The following POF1B variants were observed in gnomAD, a reference collection of about 807,000 sequenced individuals.
POF1B encodes the protein POF1B actin binding protein.
Under a neutral mutation model 55.3 loss-of-function variants are expected in POF1B, and 53 were observed. The ratio of observed to expected loss-of-function variants is 0.96; its 90% CI spans 0.77 to 1.20. The LOEUF (loss-of-function observed/expected upper bound fraction) is 1.20. POF1B is among the 50% of genes most tolerant of loss of function. The pLI is 0.00. For missense variants in POF1B, 478 were observed against 420.5 expected (o/e 1.14, Z -1.20); for synonymous variants, 188 against 148.3 (o/e 1.27, Z -1.95).
rs182979718 is a variant in POF1B at position 85,338,876 on chromosome X, G to A, written c.723+6984C>T. On this transcript the variant is annotated intron_variant, in intron 6 of 16. Transcript: ENST00000262753. ...AGAAAGTGAAAAGCGGATATGATTC[G>A]TTTGAGATGACTGTGGGACAGTCAA... 1.9e-4 allele frequency among the ~76,000 whole-genome samples: 21 copies of A among 111,543 alleles called. No individual in the cohort carries two copies. The East Asian group carries it at 4.3e-3, about 23-fold the overall frequency.
In POF1B at chrX:85,379,401, C is replaced by A; in HGVS notation, c.54G>T (p.Gln18His). The A allele has an allele frequency of 8.3e-7, 1 of 1,209,762 alleles. No individual in the cohort carries two copies. Among genetic ancestry groups the A allele is most frequent in the Admixed American group, 2.2e-5 (1 of 45,904 alleles). ...ETSSSSCGTQQLPEVLQCQPQ... is the reference protein window; with the variant it reads ...ETSSSSCGTQHLPEVLQCQPQ... ...GCTGGCACTGCAGCACCTCTGGGAGCTGCTGGGTTCCACAGCTGCTGCTGC... is the reference window on the plus strand; with the variant it reads ...GCTGGCACTGCAGCACCTCTGGGAGATGCTGGGTTCCACAGCTGCTGCTGC... Residue 18 changes from glutamine (Q) to histidine (H), a missense_variant, in exon 2 of 17, where the codon CAG (glutamine) becomes CAT (histidine). Coordinates refer to ENST00000262753, the MANE Select transcript of POF1B (RefSeq NM_024921.4).
chrX:85,355,784 G>T (rs1933482909), intron 4 of POF1B, among the ~76,000 whole-genome samples: 1 of 111,461 alleles, frequency 9.0e-6, no homozygotes, highest in African/African-American at 3.3e-5. Flanking sequence ...AGTTAGAATG[G>T]CAATCATTAA....
chrX:85,315,625 C>G, intron 8 of POF1B, 82 bp downstream of exon 8: 2 of 883,667 alleles, frequency 2.3e-6, no homozygotes, highest in Non-Finnish European at 3.0e-6. Context: ...AGGTACTTAA[C>G]TGAAAGAATA....
At chrX:85,311,529 C>A (rs1400555139) in intron 9 of POF1B, among the ~76,000 whole-genome samples, 6 of 111,546 alleles carry the variant, frequency 5.4e-5, no homozygotes, top group Non-Finnish European at 1.1e-4. Context: ...TGAACTCATC[C>A]TTTTTAATGG....
rs924894827 is a variant in POF1B at position 85,356,509 on chromosome X, C to T, written c.438+3041G>A. On this transcript the variant is annotated intron_variant, in intron 4 of 16. Transcript: ENST00000262753. ...TGTCTAGGCACTAACGATGTTGATT[C>T]TGTCTGGAATATTTTCGCCATATTA... 2.7e-5 allele frequency among the ~76,000 whole-genome samples: 3 copies of T among 109,507 alleles called. No homozygotes were observed. In the South Asian group the frequency reaches 1.2e-3, roughly 44 times the overall value.
At position 85,307,697 on chromosome X, in the gene POF1B, C is replaced by T. The variant is rs1015587593; in HGVS notation, c.1051-421G>A. On this transcript the variant is annotated intron_variant, in intron 10 of 16. Coordinates refer to ENST00000262753, the MANE Select transcript of POF1B (RefSeq NM_024921.4). ...CATTCTGAATGTATCTAGCTGATGG[C>T]ACCAAGAACACCAATTAAAATAGAA... is the stretch of plus-strand genomic sequence containing the variant. Among the ~76,000 whole-genome samples the T allele has an allele frequency of 1.1e-4, 12 of 111,308 alleles. 1 individual carries two copies. Among genetic ancestry groups the T allele is most frequent in the Non-Finnish European group, 1.9e-4 (10 of 53,012 alleles).
chrX:85,376,006 A>C (rs1001719676), intron 2 of POF1B, among the ~76,000 whole-genome samples: 5 of 111,831 alleles, frequency 4.5e-5, no homozygotes, highest in Non-Finnish European at 9.4e-5. Context: ...GGACACCTAC[A>C]GACCAGGCTC....
chrX:85,354,253 G>A (rs1401569158), intron 4 of POF1B, among the ~76,000 whole-genome samples: 2 of 110,577 alleles, frequency 1.8e-5, no homozygotes, highest in Non-Finnish European at 1.9e-5. Flanking sequence ...AATCCATACT[G>A]TGTTTTAAAT....
intron 5 of POF1B, among the ~76,000 whole-genome samples, chrX:85,350,739 C>A (rs1933366392): frequency 9.0e-6 from 1 of 111,053 alleles, no homozygotes; most frequent in African/African-American, 3.3e-5. Flanking sequence ...TGAAAAAATG[C>A]TCACCATCAC....
chrX:85,314,659 T>C (rs751843479), intron 8 of POF1B, among the ~76,000 whole-genome samples, 153 bp from the exon 9 acceptor site: 5 of 111,912 alleles, frequency 4.5e-5, no homozygotes, highest in African/African-American at 1.6e-4. Flanking sequence ...ATTTATAGCC[T>C]TATCAGTTCT....
intron 3 of POF1B, among the ~76,000 whole-genome samples, chrX:85,365,869 C>G (rs1373432900): frequency 9.0e-6 from 1 of 111,289 alleles, no homozygotes; most frequent in Non-Finnish European, 1.9e-5. Flanking sequence ...TCAGCAGTCA[C>G]TCAGTGCTAT....
chrX:85,281,039 C>T (rs754935839), intron 16 of POF1B, among the ~76,000 whole-genome samples: 23 of 110,435 alleles, frequency 2.1e-4, no homozygotes, highest in Non-Finnish European at 3.6e-4. Flanking sequence ...CTAAATGTCC[C>T]GTAAGGTACA....
chrX:85,364,243 T>C (rs1402067705), intron 3 of POF1B, among the ~76,000 whole-genome samples: 2 of 111,381 alleles, frequency 1.8e-5, no homozygotes, highest in Non-Finnish European at 3.8e-5. Flanking sequence ...TTTAGTCCAT[T>C]TACATTCAAC....
At chrX:85,321,930 A>G (rs1035086096) in intron 7 of POF1B, among the ~76,000 whole-genome samples, 2 of 110,360 alleles carry the variant, frequency 1.8e-5, no homozygotes, top group East Asian at 2.8e-4. Flanking sequence ...ACCACTGCTC[A>G]ATGAAATAAA....
intron 16 of POF1B, among the ~76,000 whole-genome samples, chrX:85,281,427 A>G (rs1931895216): frequency 9.1e-6 from 1 of 110,273 alleles, no homozygotes; most frequent in Admixed American, 9.8e-5. Context: ...TTTGATGATC[A>G]TTACTTTAAA....
intron 15 of POF1B, among the ~76,000 whole-genome samples, chrX:85,291,701 T>C (rs1932190260): frequency 9.1e-6 from 1 of 110,318 alleles, no homozygotes; most frequent in Non-Finnish European, 1.9e-5. Flanking sequence ...TAGGAGGTCA[T>C]TTCTGATTTC....
intron 15 of POF1B, among the ~76,000 whole-genome samples, chrX:85,286,858 G>A: frequency 9.0e-6 from 1 of 111,158 alleles, no homozygotes; most frequent in Non-Finnish European, 1.9e-5. Context: ...GAACTGAAAG[G>A]AGAAATAAAC....
chrX:85,323,630 A>T (rs1932865265), intron 7 of POF1B, among the ~76,000 whole-genome samples: 1 of 109,130 alleles, frequency 9.2e-6, no homozygotes, highest in South Asian at 3.9e-4. Context: ...ATAAAAAAAA[A>T]TGTCTATCTT....
intron 15 of POF1B, among the ~76,000 whole-genome samples, chrX:85,283,330 T>G (rs67168378): frequency 1.8e-5 from 2 of 109,107 alleles, no homozygotes; most frequent in Non-Finnish European, 3.8e-5. Flanking sequence ...TAGAAACATA[T>G]AAAATATACA....
Sources: allele counts gnomAD v4.1 joint callset (sites outside exome capture counted in the v4.1 genomes callset), GRCh38; gene constraint gnomAD v4.1.1; transcripts MANE v1.5; gene names NCBI Gene and HGNC (gene_info 2026-07-23, HGNC 2026-07-21).